Variants in CTNNA3 observed in about 807,000 individuals in gnomAD.
CTNNA3 encodes catenin alpha 3.
CTNNA3 carries 76 observed loss-of-function variants against 95.7 expected under a neutral mutation model. The observed-to-expected ratio is 0.79, with a 90% CI of 0.66 to 0.96. The LOEUF is 0.96. CTNNA3 is among the 40% of genes least tolerant of loss of function. The pLI is 0.00. For synonymous variants in CTNNA3, 431 were observed against 374.4 expected (o/e 1.15, Z -1.74); for missense variants, 1,191 against 1,089.8 (o/e 1.09, Z -1.31).
chr10:66,007,032 C>T (rs754080722), intron 15 of CTNNA3, among the ~76,000 whole-genome samples: 1 of 152,072 alleles, frequency 6.6e-6, no homozygotes, highest in Non-Finnish European at 1.5e-5. Context: ...CGCACCCCCA[C>T]CATTCTAGTC....
intron 7 of CTNNA3, among the ~76,000 whole-genome samples, chr10:66,902,461 A>G (rs948091139): frequency 6.6e-6 from 1 of 152,192 alleles, no homozygotes; most frequent in Admixed American, 6.5e-5. Context: ...TAACATCACA[A>G]TTAAAAGAAC....
chr10:67,478,648 G>T (rs1358487885), intron 5 of CTNNA3, among the ~76,000 whole-genome samples: 1 of 152,062 alleles, frequency 6.6e-6, no homozygotes, highest in Admixed American at 6.5e-5. Flanking sequence ...ACATGGAAAT[G>T]AAAGAACAAT....
intron 9 of CTNNA3, among the ~76,000 whole-genome samples, chr10:66,714,633 C>T (rs879395254): frequency 9.2e-5 from 14 of 152,098 alleles, no homozygotes; most frequent in Admixed American, 9.2e-4. Flanking sequence ...AGTATGGTTC[C>T]CGTATCAGCA....
intron 1 of CTNNA3, among the ~76,000 whole-genome samples, chr10:67,723,712 G>A (rs1434088402): frequency 6.6e-6 from 1 of 152,102 alleles, no homozygotes; most frequent in African/African-American, 2.4e-5. Flanking sequence ...CTCTGTATCA[G>A]ATGCTTCTGA....
intron 13 of CTNNA3, among the ~76,000 whole-genome samples, chr10:66,275,259 A>T (rs964099049): frequency 1.3e-5 from 2 of 152,162 alleles, no homozygotes; most frequent in African/African-American, 4.8e-5. Flanking sequence ...CTGGGACTAC[A>T]GGCACGCACC....
chr10:66,026,035 C>A (rs542941690), intron 15 of CTNNA3, among the ~76,000 whole-genome samples: 1 of 152,246 alleles, frequency 6.6e-6, no homozygotes, highest in African/African-American at 2.4e-5. Flanking sequence ...CCCCTTCAGT[C>A]ACCTGTTTTG....
intron 13 of CTNNA3, among the ~76,000 whole-genome samples, chr10:66,160,569 T>C (rs2084789189): frequency 6.6e-6 from 1 of 152,120 alleles, no homozygotes; most frequent in South Asian, 2.1e-4. Context: ...TCAATTTTCT[T>C]AAATTTATTG....
intron 9 of CTNNA3, among the ~76,000 whole-genome samples, chr10:66,756,955 T>C (rs1251588387): frequency 1.3e-5 from 2 of 152,190 alleles, no homozygotes; most frequent in Non-Finnish European, 2.9e-5. Context: ...GGGATTGTGT[T>C]TTTGCTTTAA....
chr10:66,317,907 C>T (rs547782769), intron 12 of CTNNA3, among the ~76,000 whole-genome samples: 1 of 151,964 alleles, frequency 6.6e-6, no homozygotes, highest in South Asian at 2.1e-4. Context: ...ATTACATTCA[C>T]TAATGGATTC....
intron 7 of CTNNA3, among the ~76,000 whole-genome samples, chr10:66,812,456 C>A (rs985269186): frequency 6.6e-6 from 1 of 152,040 alleles, no homozygotes; most frequent in East Asian, 1.9e-4. Context: ...CAACATAATA[C>A]AATGGTTAAA....
At chr10:67,263,535 A>T (rs2132397263) in intron 5 of CTNNA3, among the ~76,000 whole-genome samples, 1 of 152,288 alleles carries the variant, frequency 6.6e-6, no homozygotes, top group South Asian at 2.1e-4. Flanking sequence ...TAAAAAAGGA[A>T]AAACAACTCA....
intron 11 of CTNNA3, among the ~76,000 whole-genome samples, chr10:66,381,331 C>G (rs2092836831): frequency 6.6e-6 from 1 of 152,106 alleles, no homozygotes; most frequent in Non-Finnish European, 1.5e-5. Context: ...TCCTCATTCT[C>G]TACAACAAAA....
At chr10:66,559,859 G>A (rs927024042) in intron 10 of CTNNA3, among the ~76,000 whole-genome samples, 8 of 151,986 alleles carry the variant, frequency 5.3e-5, no homozygotes, top group Non-Finnish European at 7.4e-5. Context: ...TTCATTTTTA[G>A]TGTTTCTCTT....
chr10:66,645,894 C>T (rs558574299), intron 9 of CTNNA3, among the ~76,000 whole-genome samples: 1 of 152,300 alleles, frequency 6.6e-6, no homozygotes, highest in African/African-American at 2.4e-5. Context: ...GATCGCTGCC[C>T]TATTCTGTTC....
intron 11 of CTNNA3, among the ~76,000 whole-genome samples, chr10:66,385,778 C>T (rs146441588): frequency 8.5e-5 from 13 of 152,112 alleles, no homozygotes; most frequent in Middle Eastern, 3.4e-3. Flanking sequence ...GATGCAAGGC[C>T]GGTTCAACAT....
chr10:67,498,449 C>T (rs1001030858), intron 5 of CTNNA3, among the ~76,000 whole-genome samples: 3 of 151,962 alleles, frequency 2.0e-5, no homozygotes, highest in Non-Finnish European at 4.4e-5. Context: ...AATTTAAAGT[C>T]GTTTTTTCTA....
At chr10:66,756,080 C>A (rs1229425353) in intron 9 of CTNNA3, among the ~76,000 whole-genome samples, 2 of 152,118 alleles carry the variant, frequency 1.3e-5, no homozygotes, top group Non-Finnish European at 2.9e-5. Flanking sequence ...AAGCATAATG[C>A]AAACTTTAAA....
chr10:66,684,091 T>A (rs1309202841), intron 9 of CTNNA3, among the ~76,000 whole-genome samples: 3 of 152,156 alleles, frequency 2.0e-5, no homozygotes, highest in Admixed American at 2.0e-4. Flanking sequence ...AGTTGACCTC[T>A]CTGTAATTCT....
intron 13 of CTNNA3, among the ~76,000 whole-genome samples, chr10:66,184,591 A>G (rs1302367061): frequency 6.6e-6 from 1 of 152,158 alleles, no homozygotes; most frequent in Non-Finnish European, 1.5e-5. Flanking sequence ...CTATACTATA[A>G]ATCACGTTTC....
Sources: allele counts gnomAD v4.1 joint callset (sites outside exome capture counted in the v4.1 genomes callset), GRCh38; gene constraint gnomAD v4.1.1; transcripts MANE v1.5; gene names NCBI Gene and HGNC (gene_info 2026-07-23, HGNC 2026-07-21).